Variants in TMLHE observed in about 807,000 individuals in gnomAD.
TMLHE encodes trimethyllysine dioxygenase, mitochondrial.
A neutral mutation model predicts 25.7 loss-of-function variants in TMLHE; 18 were observed. That is an observed-to-expected ratio of 0.70 (90% CI 0.48 to 1.04). The LOEUF (loss-of-function observed/expected upper bound fraction) is 1.04, where lower values mean the gene tolerates loss of function less well. TMLHE is among the 50% of genes least tolerant of loss of function. The pLI is 0.00. For synonymous variants in TMLHE, 105 were observed against 97.0 expected, an observed-to-expected ratio of 1.08 and a Z score of -0.49; for missense variants, 236 against 259.0, an observed-to-expected ratio of 0.91 and a Z score of 0.61.
intron 2 of TMLHE, among the ~76,000 whole-genome samples, chrX:155,537,843 T>C (rs1214741211): frequency 1.8e-5 from 2 of 111,676 alleles, no homozygotes; most frequent in Admixed American, 9.6e-5. Context: ...TTTTCTTTTA[T>C]GTTTTATTTT....
At chrX:155,560,572 AAAG>A (rs1569562161) in intron 1 of TMLHE, among the ~76,000 whole-genome samples, 1 of 37,299 alleles carries the variant, frequency 2.7e-5, no homozygotes, top group African/African-American at 4.4e-5. Flanking sequence ...ACATTTGATC[AAAG>A]GAGGAGTTAG....
chrX:155,540,607 C>T, intron 2 of TMLHE, among the ~76,000 whole-genome samples: 1 of 111,181 alleles, frequency 9.0e-6, no homozygotes, highest in East Asian at 2.8e-4. Flanking sequence ...TATAAACCTT[C>T]TGATAAAGGT....
At chrX:155,602,886 C>A (rs963287818) in intron 1 of TMLHE, among the ~76,000 whole-genome samples, 4 of 112,134 alleles carry the variant, frequency 3.6e-5, no homozygotes, top group Non-Finnish European at 7.5e-5. Flanking sequence ...AAGATTTTTA[C>A]ACTGAAAACT....
intron 2 of TMLHE, 39 bp from the exon 3 acceptor site, chrX:155,524,671 G>A (rs113137419): frequency 9.1e-7 from 1 of 1,094,313 alleles, no homozygotes; most frequent in East Asian, 3.2e-5. Context: ...TATTTATTGA[G>A]ATAACTTTAA....
chrX:155,534,562 T>C (rs2067267475), intron 2 of TMLHE, among the ~76,000 whole-genome samples: 2 of 111,463 alleles, frequency 1.8e-5, no homozygotes, highest in South Asian at 7.6e-4. Context: ...GGAATGGGAC[T>C]GTCTCTATTG....
At chrX:155,518,496 C>T (rs1557335472) in intron 3 of TMLHE, among the ~76,000 whole-genome samples, 1 of 96,807 alleles carries the variant, frequency 1.0e-5, no homozygotes. Flanking sequence ...TTGGTTGTGT[C>T]TCTGCCCGGC....
rs1393883136 is a variant in TMLHE at position 155,555,410 on chromosome X, G to A, written c.-1-10133C>T. Among the ~76,000 whole-genome samples the A allele has an allele frequency of 2.7e-5, 3 of 110,294 alleles. No homozygotes were observed. In the East Asian group the frequency reaches 8.4e-4, roughly 31 times the overall value. On this transcript the variant is annotated intron_variant, in intron 1 of 7. Coordinates refer to ENST00000334398, the MANE Select transcript of TMLHE (RefSeq NM_018196.4). Reference sequence around the variant, plus strand: ...ATATACCTAGTAATGGAATCACTGGGTCAAATGGTAATTCTAGTTGTAGAT... The same window carrying A: ...ATATACCTAGTAATGGAATCACTGGATCAAATGGTAATTCTAGTTGTAGAT...
rs1444659459 is a variant in TMLHE at position 155,513,994 on chromosome X, G to A, written c.630C>T (p.Ser210=). 1.3e-5 allele frequency: 16 copies of A among 1,205,811 alleles called. No individual in the cohort carries two copies. Among genetic ancestry groups the A allele is most frequent in the Non-Finnish European group, 1.7e-5 (15 of 892,132 alleles). ...GGAAACAAATGAATTACCTGATTAA[G>A]CTGATCCTTTCTGCCAACTTCTCTG... ...EHTEKLAERI[S]LIRETIYGRM... The change falls in exon 4 of 8, where the codon AGC becomes AGT. Residue 210 remains serine (S), a synonymous_variant. Coordinates refer to ENST00000334398, the MANE Select transcript of TMLHE (RefSeq NM_018196.4).
intron 2 of TMLHE, among the ~76,000 whole-genome samples, chrX:155,543,966 C>G (rs1557338440): frequency 1.8e-5 from 2 of 111,998 alleles, no homozygotes; most frequent in African/African-American, 6.5e-5. Flanking sequence ...CTCTCTTGGC[C>G]TTGGCCCTTC....
At position 155,571,417 on chromosome X, in the gene TMLHE, T is replaced by C. The variant is rs2067550085; in HGVS notation, c.-1-26140A>G. Among the ~76,000 whole-genome samples the C allele has an allele frequency of 3.6e-5, 2 of 56,124 alleles. 1 individual carries two copies. Among genetic ancestry groups the C allele is most frequent in the Non-Finnish European group, 9.2e-5 (2 of 21,736 alleles). 48.7% of individuals were successfully genotyped at this position (56,124 alleles called of 115,157 possible). A position where few individuals can be genotyped will look rare whatever the true frequency, so the allele number is the denominator to read the frequency against. The stretch of plus-strand genomic sequence containing the variant: ...TTCTACCAGAGGTACAAGGAGGAAC[T>C]GGTACTATTCCTTCTGAAACTATTC... On this transcript the variant is annotated intron_variant, in intron 1 of 7. Coordinates refer to ENST00000334398, the MANE Select transcript of TMLHE (RefSeq NM_018196.4).
chrX:155,527,692 T>G (rs2124377082), intron 2 of TMLHE, among the ~76,000 whole-genome samples: 1 of 112,167 alleles, frequency 8.9e-6, no homozygotes, highest in African/African-American at 3.2e-5. Flanking sequence ...TGCCTTCATA[T>G]AATTCAAAAA....
intron 4 of TMLHE, 117 bp from the exon 5 acceptor site, chrX:155,511,909 T>C (rs1049674531): frequency 1.0e-5 from 8 of 786,320 alleles, no homozygotes; most frequent in Non-Finnish European, 7.0e-6. Context: ...TTTTTTTGGT[T>C]CCAGAATTTA....
chrX:155,544,934 T>A (rs2067334335), intron 2 of TMLHE, among the ~76,000 whole-genome samples, 162 bp downstream of exon 2: 1 of 112,521 alleles, frequency 8.9e-6, no homozygotes, highest in Non-Finnish European at 1.9e-5. Flanking sequence ...TATCATTGCA[T>A]AACAATGTGA....
chrX:155,545,322 T>C (rs782141182), intron 1 of TMLHE, 45 bp from the exon 2 acceptor site: 26 of 1,021,443 alleles, frequency 2.5e-5, no homozygotes, highest in African/African-American at 5.7e-5. Context: ...ATACAACAAC[T>C]TTTATGAGGC....
At position 155,551,794 on chromosome X, in the gene TMLHE, C is replaced by T. The variant is rs927050411; in HGVS notation, c.-1-6517G>A. On this transcript the variant is annotated intron_variant, in intron 1 of 7. Coordinates refer to ENST00000334398, the MANE Select transcript of TMLHE (RefSeq NM_018196.4). ...TGAGTCTGCCTTTATTGACTATTGT[C>T]CTCCCTCCTTATTATGACTATTTAT... Among the ~76,000 whole-genome samples, 7 of 109,934 alleles carry T rather than the reference C, an allele frequency of 6.4e-5. No homozygotes were observed. In the South Asian group the frequency reaches 2.7e-3, roughly 42 times the overall value.
At chrX:155,576,643 C>G (rs2067591540) in intron 1 of TMLHE, among the ~76,000 whole-genome samples, 1 of 111,913 alleles carries the variant, frequency 8.9e-6, no homozygotes. Context: ...GAGCATGGTA[C>G]TGGTACAAAA....
Position 155,549,137 on chromosome X carries a change from C to T in TMLHE, c.-1-3860G>A, listed in dbSNP as rs781964963. Among the ~76,000 whole-genome samples, 4 of 111,161 alleles carry T rather than the reference C, an allele frequency of 3.6e-5. No homozygotes were observed. The South Asian group carries it at 1.1e-3, about 31-fold the overall frequency. ...AAAAACAGTTATTACTTCCAGTAAG[C>T]GCTTTGGAAATTTCTCAGCATTTTC... On this transcript the variant is annotated intron_variant, in intron 1 of 7. Transcript: ENST00000334398.
At chrX:155,587,887 T>C (rs1351385385) in intron 1 of TMLHE, among the ~76,000 whole-genome samples, 5 of 112,197 alleles carry the variant, frequency 4.5e-5, no homozygotes, top group African/African-American at 1.6e-4. Context: ...TGCTTAAGTA[T>C]TGGAATAATT....
In TMLHE at chrX:155,522,264, A is replaced by G. The variant is rs188442946; in HGVS notation, c.358+2192T>C. Among the ~76,000 whole-genome samples, 86 of 111,453 alleles carry G rather than the reference A, an allele frequency of 7.7e-4. 1 individual carries two copies. Among genetic ancestry groups the G allele is most frequent in the Non-Finnish European group, 1.3e-3 (67 of 53,077 alleles). Reference sequence around the variant, plus strand: ...CTTTTAACTTTTTTATTTGGAGATAATAGATTCACAGGATGTTGAAAAGAA... The same window carrying G: ...CTTTTAACTTTTTTATTTGGAGATAGTAGATTCACAGGATGTTGAAAAGAA... On this transcript the variant is annotated intron_variant, in intron 3 of 7. Transcript: ENST00000334398.
Sources: gnomAD v4.1 joint callset for allele counts (sites outside exome capture counted in the v4.1 genomes callset) on GRCh38, gnomAD v4.1.1 for gene constraint, MANE v1.5 for transcripts, NCBI Gene and HGNC (gene_info 2026-07-23, HGNC 2026-07-21) for gene names.